The following ATPAF2 variants were observed in gnomAD, a reference collection of about 807,000 sequenced individuals.
ATPAF2 encodes the protein ATP12 homolog.
In ATPAF2, 30 loss-of-function variants were observed where a neutral mutation model predicts 36.6. That is an observed-to-expected ratio of 0.82 (90% CI 0.61 to 1.11). The LOEUF (loss-of-function observed/expected upper bound fraction) is 1.11. Ranked by LOEUF, ATPAF2 falls within the 50% of genes most tolerant of loss-of-function variation. ATPAF2 has a pLI of 0.00. For missense variants in ATPAF2, 321 were observed against 372.3 expected (o/e 0.86, Z 1.13); for synonymous variants, 140 against 152.6 (o/e 0.92, Z 0.61).
rs79974990 is a variant in ATPAF2, at chr17:18,026,632, G to C, written c.325-216C>G. Reference sequence around the variant, plus strand: ...CTTTGTGTTGACGCTCACAGGACTCGAGGGAAGCTTGCAGCAGCCCCAGGA... The same window carrying C: ...CTTTGTGTTGACGCTCACAGGACTCCAGGGAAGCTTGCAGCAGCCCCAGGA... On this transcript the variant is annotated intron_variant, in intron 3 of 7. Transcript: ENST00000474627. 1.7e-3 allele frequency: 1,009 copies of C among 597,732 alleles called. 7 individuals carry two copies. The African/African-American group carries it at 0.017, about 10-fold the overall frequency. 37.0% of individuals were successfully genotyped at this position (597,732 alleles called of 1,614,324 possible).
intron 3 of ATPAF2, among the ~76,000 whole-genome samples, chr17:18,027,414 G>A (rs1023304195): frequency 9.2e-5 from 14 of 152,252 alleles, no homozygotes; most frequent in Admixed American, 3.9e-4. Context: ...CAGCGGCTGG[G>A]ATGATAGCAG....
At chr17:18,023,677 C>T (rs569320772) in intron 5 of ATPAF2, among the ~76,000 whole-genome samples, 1 of 152,340 alleles carries the variant, frequency 6.6e-6, no homozygotes, top group Admixed American at 6.5e-5. Flanking sequence ...ACTGCCTTTG[C>T]CTTCTCTTTT....
At chr17:18,024,923 ACAGAAAT>A in intron 4 of ATPAF2, 1 of 574,266 alleles carries the variant, frequency 1.7e-6, no homozygotes, top group Non-Finnish European at 3.1e-6. Flanking sequence ...TTGCATGCCT[ACAGAAAT>A]CAGAACCTCT....
At chr17:18,028,886 G>GA in intron 1 of ATPAF2, among the ~76,000 whole-genome samples, 1 of 152,112 alleles carries the variant, frequency 6.6e-6, no homozygotes, top group Non-Finnish European at 1.5e-5. Context: ...AGAACATGCT[G>GA]GTCATACCTC....
chr17:18,016,808 C>A, downstream of ATPAF2: 1 of 515,238 alleles, frequency 1.9e-6, no homozygotes. Flanking sequence ...CATTCTTCCC[C>A]CACCCCTGGA....
At chr17:18,029,366 A>C (rs2044594530) in intron 1 of ATPAF2, among the ~76,000 whole-genome samples, 1 of 152,240 alleles carries the variant, frequency 6.6e-6, no homozygotes, top group South Asian at 2.1e-4. Flanking sequence ...AGATTCCCTC[A>C]ACTGATAACA....
intron 7 of ATPAF2, 59 bp from the exon 8 acceptor site, chr17:18,018,745 C>G: frequency 6.2e-7 from 1 of 1,612,306 alleles, no homozygotes; most frequent in South Asian, 1.1e-5. Flanking sequence ...TGCCTCCTGA[C>G]CAAAGCCACG....
At chr17:18,015,819 G>C (rs1316718726), downstream of ATPAF2, 1 of 431,142 alleles carries the variant, frequency 2.3e-6, no homozygotes, top group Non-Finnish European at 4.2e-6. Flanking sequence ...CTTCCAGCGG[G>C]GACTGCAAAG....
At chr17:18,028,594 G>A in intron 2 of ATPAF2, 21 bp downstream of exon 2, 1 of 1,558,238 alleles carries the variant, frequency 6.4e-7, no homozygotes. Flanking sequence ...AAAAGAGGCA[G>A]TCAAAATTTC....
At chr17:18,015,626 G>A (rs1239626850), downstream of ATPAF2, 2 of 161,212 alleles carry the variant, frequency 1.2e-5, no homozygotes, top group East Asian at 3.5e-4. Context: ...CCATGAGTTT[G>A]TAGGGCCTGC....
chr17:18,024,581 G>C, intron 5 of ATPAF2, 43 bp downstream of exon 5: 2 of 1,542,856 alleles, frequency 1.3e-6, no homozygotes, highest in Non-Finnish European at 1.8e-6. Flanking sequence ...TCCACCAAAC[G>C]CAGGTGCCCA....
At chr17:18,024,788 A>G in intron 4 of ATPAF2, 84 bp from the exon 5 acceptor site, 1 of 1,204,170 alleles carries the variant, frequency 8.3e-7, no homozygotes, top group Non-Finnish European at 1.2e-6. Context: ...CACAAAGGAC[A>G]ACAGCAAAAA....
At chr17:18,029,088 T>C (rs1476783164) in intron 1 of ATPAF2, among the ~76,000 whole-genome samples, 1 of 152,190 alleles carries the variant, frequency 6.6e-6, no homozygotes, top group Non-Finnish European at 1.5e-5. Flanking sequence ...GGAAAGCCAG[T>C]GTGCGTGCGC....
At chr17:18,024,783 AG>A in intron 4 of ATPAF2, 79 bp from the exon 5 acceptor site, 6 of 1,290,416 alleles carry the variant, frequency 4.6e-6, no homozygotes, top group Non-Finnish European at 6.7e-6. Flanking sequence ...AAAAACACAA[AG>A]GACAACAGCA....
At chr17:18,030,667 T>A (rs1379787185) in intron 1 of ATPAF2, among the ~76,000 whole-genome samples, 5 of 150,296 alleles carry the variant, frequency 3.3e-5, no homozygotes, top group Admixed American at 3.3e-4. Context: ...TTTTTTCTTT[T>A]TCTTTTTTTT....
intron 1 of ATPAF2, among the ~76,000 whole-genome samples, chr17:18,033,877 T>C (rs1250833121): frequency 6.6e-6 from 1 of 152,100 alleles, no homozygotes; most frequent in Non-Finnish European, 1.5e-5. Flanking sequence ...CCCAGCACTT[T>C]GGCTGGCTGA....
intron 5 of ATPAF2, among the ~76,000 whole-genome samples, chr17:18,024,172 C>T (rs1310421831): frequency 6.6e-6 from 1 of 152,214 alleles, no homozygotes; most frequent in African/African-American, 2.4e-5. Context: ...TGCATCAATT[C>T]ATTTATTCCT....
intron 1 of ATPAF2, among the ~76,000 whole-genome samples, chr17:18,035,580 G>C (rs1233440561): frequency 1.3e-5 from 2 of 152,180 alleles, no homozygotes; most frequent in African/African-American, 4.8e-5. Context: ...CAGGCCAAAT[G>C]TATAACATTT....
chr17:18,034,529 A>T (rs2044678921), intron 1 of ATPAF2, among the ~76,000 whole-genome samples: 1 of 152,250 alleles, frequency 6.6e-6, no homozygotes, highest in African/African-American at 2.4e-5. Flanking sequence ...AATCAAAACC[A>T]CAATGAGATA....
Sources: gnomAD v4.1 joint callset for allele counts (sites outside exome capture counted in the v4.1 genomes callset) on GRCh38, gnomAD v4.1.1 for gene constraint, MANE v1.5 for transcripts, NCBI Gene and HGNC (gene_info 2026-07-23, HGNC 2026-07-21) for gene names.